The following DLGAP1 variants were observed in gnomAD, a reference collection of about 807,000 sequenced individuals.
DLGAP1 encodes DLG associated protein 1.
Under a neutral mutation model 90.8 loss-of-function variants are expected in DLGAP1, and 11 were observed. That is an observed-to-expected ratio of 0.12 (90% confidence interval 0.08 to 0.20). DLGAP1 has a LOEUF of 0.20. DLGAP1 is among the 10% of genes least tolerant of loss of function. The probability of loss-of-function intolerance (pLI) is 1.00; values close to 1 mark genes in which losing one functional copy is unlikely to be tolerated. For synonymous variants in DLGAP1, 558 were observed against 540.7 expected, an observed-to-expected ratio of 1.03 and a Z score of -0.44; for missense variants, 1,050 against 1,333.8, an observed-to-expected ratio of 0.79 and a Z score of 3.31.
intron 3 of DLGAP1, among the ~76,000 whole-genome samples, chr18:3,975,913 C>T (rs1487788987): frequency 6.6e-6 from 1 of 151,906 alleles, no homozygotes; most frequent in Admixed American, 6.6e-5. Context: ...GTTACCATGG[C>T]CTGGGGGAGA....
At chr18:4,305,534 C>CAAA (rs562977821) in intron 1 of DLGAP1, among the ~76,000 whole-genome samples, 7 of 73,080 alleles carry the variant, frequency 9.6e-5, no homozygotes, top group East Asian at 4.7e-4. Flanking sequence ...AACTCCGTCT[C>CAAA]AAAAAAAAAA....
intron 8 of DLGAP1, among the ~76,000 whole-genome samples, chr18:3,568,906 T>C (rs1416613332): frequency 1.3e-5 from 2 of 151,952 alleles, no homozygotes; most frequent in East Asian, 3.9e-4. Flanking sequence ...CAGGATGGTC[T>C]CGATCTCCTG....
At position 3,879,326 on chromosome 18, in the gene DLGAP1, A is replaced by G; in HGVS notation, c.743T>C (p.Val248Ala). Residue 248 changes from valine to alanine, a missense_variant, in exon 4 of 13, where the codon GTG (valine) becomes GCG (alanine). This residue lies in a region of DLGAP1 where 485 missense variants were observed against 454.1 expected (regional missense o/e 1.07). Transcript: ENST00000315677. This position sits in a 1 kb window ranked among gnomAD's most constrained non-coding sequence, Gnocchi z 6.6. ...EAYNTISEQA[V>A]KASRSNNDVK... Reference sequence around the variant, plus strand: ...GTCGTTGTTGCTCCGGGAGGCCTTCACCGCCTGCTCGCTGATGGTGTTGTA... The same window carrying G: ...GTCGTTGTTGCTCCGGGAGGCCTTCGCCGCCTGCTCGCTGATGGTGTTGTA... The G allele has an allele frequency of 6.2e-7, 1 of 1,604,672 alleles. No homozygotes were observed. The highest frequency in any genetic ancestry group is 8.5e-7 in the Non-Finnish European group (1 of 1,174,990).
intron 2 of DLGAP1, among the ~76,000 whole-genome samples, chr18:4,019,826 C>T (rs2074580597): frequency 7.2e-6 from 1 of 138,540 alleles, no homozygotes; most frequent in Non-Finnish European, 1.5e-5. Flanking sequence ...CACACACACA[C>T]ACATACACAC....
intron 7 of DLGAP1, among the ~76,000 whole-genome samples, chr18:3,593,148 T>C (rs905199298): frequency 6.6e-6 from 1 of 151,996 alleles, no homozygotes; most frequent in African/African-American, 2.4e-5. Context: ...AAACACTCTC[T>C]AGTAAACACC....
At chr18:3,807,997 T>G (rs923313950) in intron 5 of DLGAP1, among the ~76,000 whole-genome samples, 1 of 152,170 alleles carries the variant, frequency 6.6e-6, no homozygotes, top group African/African-American at 2.4e-5. Context: ...ACTACAATAC[T>G]CACACATGCC....
chr18:3,883,111 G>A (rs1248097565), intron 3 of DLGAP1, among the ~76,000 whole-genome samples: 7 of 152,200 alleles, frequency 4.6e-5, no homozygotes, highest in African/African-American at 1.4e-4. Context: ...GGGCATGGTG[G>A]CGGGAGCCTG....
chr18:4,155,717 G>A (rs1179254638), intron 1 of DLGAP1, among the ~76,000 whole-genome samples: 2 of 152,118 alleles, frequency 1.3e-5, no homozygotes, highest in African/African-American at 4.8e-5. Flanking sequence ...AACATGGTGG[G>A]CTGGTGGGGT....
At chr18:4,314,608 A>G (rs142196514) in intron 1 of DLGAP1, among the ~76,000 whole-genome samples, 7 of 152,338 alleles carry the variant, frequency 4.6e-5, no homozygotes, top group African/African-American at 7.2e-5. Flanking sequence ...TGTTTTATAA[A>G]AACGGTAAGA....
At position 3,967,145 on chromosome 18, in the gene DLGAP1, C is replaced by T. The variant is rs1407551956; in HGVS notation, c.-73+37971G>A. On this transcript the variant is annotated intron_variant, in intron 3 of 12. Coordinates refer to ENST00000315677, the MANE Select transcript of DLGAP1 (RefSeq NM_004746.4). ...TTTTAATATGTCTGTGTAAATATGGCAGTGCCTGTCTACATTGGTGGAGGG... is the reference window on the plus strand; with the variant it reads ...TTTTAATATGTCTGTGTAAATATGGTAGTGCCTGTCTACATTGGTGGAGGG... 2.0e-5 allele frequency among the ~76,000 whole-genome samples: 3 copies of T among 152,280 alleles called. No individual in the cohort carries two copies. In the South Asian group the frequency reaches 6.2e-4, roughly 32 times the overall value.
intron 3 of DLGAP1, among the ~76,000 whole-genome samples, chr18:3,897,935 C>T (rs1259866608): frequency 6.6e-6 from 1 of 151,756 alleles, no homozygotes; most frequent in Non-Finnish European, 1.5e-5. Context: ...GCTGGGACTA[C>T]AGGCGCCCGC....
At chr18:3,502,149 G>A (rs1312460206) in intron 12 of DLGAP1, 9 of 1,108,852 alleles carry the variant, frequency 8.1e-6, no homozygotes, top group Non-Finnish European at 3.3e-6. Flanking sequence ...TTGTTCTATG[G>A]ATTCATGCAC....
chr18:3,898,757 G>A (rs1027447911), intron 3 of DLGAP1, among the ~76,000 whole-genome samples: 1 of 152,010 alleles, frequency 6.6e-6, no homozygotes, highest in Non-Finnish European at 1.5e-5. Context: ...GAAAAATCAC[G>A]CTTTCCAACA....
Position 4,206,116 on chromosome 18 carries a change from A to G in DLGAP1, c.-266-54829T>C, listed in dbSNP as rs145932302. On this transcript the variant is annotated intron_variant, in intron 1 of 12. Transcript: ENST00000315677. ...AAGACACTAGAGGAAATTATAGTGG[A>G]CTGGAGAAAGGAGATTAGTTTATTT... is the stretch of plus-strand genomic sequence containing the variant. Among the ~76,000 whole-genome samples, 105 of 152,238 alleles carry G rather than the reference A, an allele frequency of 6.9e-4. 6 individuals carry two copies. The highest frequency in any genetic ancestry group is 5.8e-3 in the East Asian group (30 of 5,164).
At chr18:3,558,955 T>C (rs1443747967) in intron 9 of DLGAP1, among the ~76,000 whole-genome samples, 1 of 152,218 alleles carries the variant, frequency 6.6e-6, no homozygotes, top group African/African-American at 2.4e-5. Flanking sequence ...AAATATTTTG[T>C]TTTATTATTA....
chr18:3,853,644 A>G (rs2069466756), intron 4 of DLGAP1, among the ~76,000 whole-genome samples: 1 of 151,946 alleles, frequency 6.6e-6, no homozygotes, highest in South Asian at 2.1e-4. Flanking sequence ...TATTCCCGTC[A>G]TTAAGTGATG....
intron 2 of DLGAP1, among the ~76,000 whole-genome samples, chr18:4,079,445 A>T (rs1417558511): frequency 1.3e-5 from 2 of 152,022 alleles, no homozygotes; most frequent in Non-Finnish European, 2.9e-5. Flanking sequence ...TGGAAAACCA[A>T]ATACCCTGTA....
intron 1 of DLGAP1, among the ~76,000 whole-genome samples, chr18:4,256,123 C>T (rs1216526533): frequency 6.6e-6 from 1 of 152,196 alleles, no homozygotes; most frequent in Non-Finnish European, 1.5e-5. Context: ...CTCTTCTGGC[C>T]AGTCCTGGGG....
At position 3,663,884 on chromosome 18, in the gene DLGAP1, G is replaced by C. The variant is rs957161283; in HGVS notation, c.1591+65251C>G. Among the ~76,000 whole-genome samples the C allele has an allele frequency of 2.0e-5, 3 of 152,174 alleles. No individual in the cohort carries two copies. The East Asian group carries it at 5.8e-4, about 29-fold the overall frequency. Reference sequence around the variant, plus strand: ...GTGTTTCTGGATGAGATTAACATTTGGATCAGTTCATTGAGTACAGCAGAC... The same window carrying C: ...GTGTTTCTGGATGAGATTAACATTTCGATCAGTTCATTGAGTACAGCAGAC... On this transcript the variant is annotated intron_variant, in intron 7 of 12. Coordinates refer to ENST00000315677, the MANE Select transcript of DLGAP1 (RefSeq NM_004746.4).
Sources: allele counts gnomAD v4.1 joint callset (sites outside exome capture counted in the v4.1 genomes callset), GRCh38; gene constraint gnomAD v4.1.1; regional missense constraint gnomAD v4.1.1; non-coding constraint Gnocchi (gnomAD v3.1); transcripts MANE v1.5; gene names NCBI Gene and HGNC (gene_info 2026-07-23, HGNC 2026-07-21).